NID1: variants seen among roughly 807,000 people sequenced by gnomAD.
NID1 encodes the protein nidogen 1.
NID1 carries 76 observed loss-of-function variants against 130.6 expected under a neutral mutation model. That is an observed-to-expected ratio of 0.58 (90% CI 0.48 to 0.70). NID1 has a LOEUF of 0.70. Among genes scored for constraint, NID1 ranks in the 30% least tolerant of loss-of-function variants. The probability of loss-of-function intolerance (pLI) is 0.00; values close to 1 mark genes in which losing one functional copy is unlikely to be tolerated. For synonymous variants in NID1, 665 were observed against 675.1 expected (o/e 0.98, Z 0.23); for missense variants, 1,517 against 1,664.8 (o/e 0.91, Z 1.54).
chr1:236,054,978 T>C (rs1016385870), intron 1 of NID1, among the ~76,000 whole-genome samples: 3 of 151,800 alleles, frequency 2.0e-5, no homozygotes, highest in African/African-American at 4.8e-5. Context: ...TCTGAAACAT[T>C]TACAAAACGA....
chr1:236,033,821 A>T (rs1411860461), intron 5 of NID1, among the ~76,000 whole-genome samples: 1 of 152,214 alleles, frequency 6.6e-6, no homozygotes, highest in Non-Finnish European at 1.5e-5. Flanking sequence ...ATAATTTTTG[A>T]GTATTTATAA....
intron 1 of NID1, among the ~76,000 whole-genome samples, chr1:236,050,245 T>C (rs1392848835): frequency 1.3e-5 from 2 of 152,046 alleles, no homozygotes; most frequent in Non-Finnish European, 2.9e-5. Context: ...TGAAATCAGT[T>C]ATAACTGCTT....
intron 1 of NID1, among the ~76,000 whole-genome samples, chr1:236,049,774 T>A (rs1288633599): frequency 3.3e-5 from 5 of 151,898 alleles, no homozygotes; most frequent in South Asian, 2.1e-4. Flanking sequence ...GCGTGGTGGC[T>A]CACACCTGTA....
At chr1:235,983,912 G>C (rs1657504421) in intron 15 of NID1, among the ~76,000 whole-genome samples, 1 of 151,584 alleles carries the variant, frequency 6.6e-6, no homozygotes, top group Admixed American at 6.6e-5. Context: ...ATACCTAACT[G>C]TCACTCTCAC....
chr1:236,024,194 A>T lies in NID1; in HGVS notation c.2004T>A (p.Leu668=), dbSNP rs751674358. 1.2e-6 allele frequency: 2 copies of T among 1,614,266 alleles called. No individual in the cohort carries two copies. The highest frequency in any genetic ancestry group is 2.2e-5 in the South Asian group (2 of 91,086). ...GPVREGSPDA[L]QNPCYIGTHG... ...GAGTGCCGATGTAGCAGGGATTCTG[A>T]AGAGCATCAGGGGAGCCTTCTGTGA... is the stretch of plus-strand genomic sequence containing the variant. Residue 668 remains leucine, a synonymous_variant, in exon 9 of 20, where the codon CTT becomes CTA. Transcript: ENST00000264187.
intron 19 of NID1, among the ~76,000 whole-genome samples, chr1:235,978,331 A>T (rs1180464249): frequency 1.3e-5 from 2 of 152,106 alleles, no homozygotes; most frequent in Non-Finnish European, 2.9e-5. Flanking sequence ...TGTAGCTTGC[A>T]CTCCTAGCTT....
At chr1:236,051,509 C>T (rs1659763292) in intron 1 of NID1, among the ~76,000 whole-genome samples, 2 of 152,158 alleles carry the variant, frequency 1.3e-5, no homozygotes, top group African/African-American at 4.8e-5. Context: ...CTCTTTTAAC[C>T]ACATGTTATG....
chr1:236,025,857 C>T (rs375534173), intron 8 of NID1, 39 bp downstream of exon 8: 2 of 1,596,070 alleles, frequency 1.3e-6, no homozygotes, highest in African/African-American at 2.7e-5. Context: ...TTTAAAAATG[C>T]ATGAGCACCT....
chr1:236,042,096 C>T lies in NID1; in HGVS notation c.949G>A (p.Ala317Thr), dbSNP rs367927208. Residue 317 changes from alanine (A) to threonine (T), a missense_variant, in exon 4 of 20, where the codon GCT becomes ACT. Coordinates refer to ENST00000264187, the MANE Select transcript of NID1 (RefSeq NM_002508.3). ...DVGTTPFSYK[A>T]LRRGGADTYS... is the part of the protein sequence containing the mutation. ...GTGTCAGCACCTCCCCTTCTCAGAG[C>T]CTTGTAGGAGAAGGGCGTGGTGCCC... The T allele has an allele frequency of 6.2e-7, 1 of 1,614,158 alleles. No individual in the cohort carries two copies. The highest frequency in any genetic ancestry group is 8.5e-7 in the Non-Finnish European group (1 of 1,180,034).
chr1:236,062,633 CAAAAAAAAAAAA>C (rs56709890), intron 1 of NID1, among the ~76,000 whole-genome samples: 1 of 104,224 alleles, frequency 9.6e-6, no homozygotes, highest in Non-Finnish European at 1.9e-5. Context: ...GACTCTGTCT[CAAAAAAAAAAAA>C]AAAAAAAAAA....
chr1:236,005,775 A>G (rs1232048861), intron 12 of NID1, among the ~76,000 whole-genome samples: 1 of 152,228 alleles, frequency 6.6e-6, no homozygotes, highest in Non-Finnish European at 1.5e-5. Flanking sequence ...ATCCATAAAC[A>G]TCAACTAACT....
intron 1 of NID1, among the ~76,000 whole-genome samples, chr1:236,060,334 G>A (rs1428407900): frequency 1.3e-5 from 2 of 152,066 alleles, no homozygotes; most frequent in Non-Finnish European, 2.9e-5. Context: ...CACTCTCATC[G>A]CCGTCTTGGT....
At chr1:236,010,463 A>G (rs1232553163) in intron 12 of NID1, among the ~76,000 whole-genome samples, 2 of 151,824 alleles carry the variant, frequency 1.3e-5, no homozygotes, top group African/African-American at 4.8e-5. Context: ...ACACCCAGCT[A>G]ATTTTTCTAT....
chr1:235,997,760 C>G (rs576137710), intron 12 of NID1, among the ~76,000 whole-genome samples: 25 of 152,080 alleles, frequency 1.6e-4, no homozygotes, highest in Non-Finnish European at 2.9e-4. Flanking sequence ...GTGCCCACCA[C>G]CATGTCTGGC....
chr1:235,994,184 T>C (rs1394710216), intron 12 of NID1, among the ~76,000 whole-genome samples: 1 of 152,246 alleles, frequency 6.6e-6, no homozygotes, highest in Non-Finnish European at 1.5e-5. Flanking sequence ...TTTTTTGCGA[T>C]GGCGTTTCGC....
chr1:236,002,647 G>C (rs1658111758), intron 12 of NID1, among the ~76,000 whole-genome samples: 1 of 152,194 alleles, frequency 6.6e-6, no homozygotes, highest in African/African-American at 2.4e-5. Flanking sequence ...AGACGGATAG[G>C]AAGTCAAGAA....
chr1:236,049,389 G>C (rs1659699828), intron 1 of NID1, among the ~76,000 whole-genome samples: 1 of 152,090 alleles, frequency 6.6e-6, no homozygotes, highest in Non-Finnish European at 1.5e-5. Context: ...TGAGCTGGGA[G>C]GATGGCTTAA....
At chr1:236,014,357 G>A (rs1658525121) in intron 10 of NID1, among the ~76,000 whole-genome samples, 1 of 152,126 alleles carries the variant, frequency 6.6e-6, no homozygotes, top group Non-Finnish European at 1.5e-5. Flanking sequence ...TGATGGGAGG[G>A]AATGATTTGT....
In NID1 at chr1:235,993,864, T is replaced by C. The variant is rs1014581565; in HGVS notation, c.2536A>G (p.Lys846Glu). ...GFRCVPGEVE[K>E]TRCQHEREHI... Reference sequence around the variant, plus strand: ...TCTCGCTCGTGCTGGCACCGGGTTTTCTCCACCTCTATCAGAGAAACAGGC... The same window carrying C: ...TCTCGCTCGTGCTGGCACCGGGTTTCCTCCACCTCTATCAGAGAAACAGGC... Residue 846 changes from lysine to glutamate, a missense_variant, in exon 13 of 20, where the codon AAA becomes GAA. Lys to Glu is a moderately conservative substitution (Grantham distance 56, BLOSUM62 1). Transcript: ENST00000264187. 1.2e-6 allele frequency: 2 copies of C among 1,611,022 alleles called. No individual in the cohort carries two copies. Among genetic ancestry groups the C allele is most frequent in the African/African-American group, 1.3e-5 (1 of 75,010 alleles).
Sources: gnomAD v4.1 joint callset for allele counts (sites outside exome capture counted in the v4.1 genomes callset) on GRCh38, gnomAD v4.1.1 for gene constraint, MANE v1.5 for transcripts, NCBI Gene and HGNC (gene_info 2026-07-23, HGNC 2026-07-21) for gene names.